The following NFKB1 variants were observed in gnomAD, a reference collection of about 807,000 sequenced individuals.
NFKB1 encodes the protein nuclear factor kappa B subunit 1.
In NFKB1, 9 loss-of-function variants were observed where a neutral mutation model predicts 105.1. The observed-to-expected ratio is 0.09, with a 90% confidence interval of 0.05 to 0.15. NFKB1 has a LOEUF of 0.15. NFKB1 is among the 10% of genes least tolerant of loss of function. The probability of loss-of-function intolerance (pLI) is 1.00; values close to 1 mark genes in which losing one functional copy is unlikely to be tolerated. For missense variants in NFKB1, 830 were observed against 1,203.7 expected (o/e 0.69, Z 4.59); for synonymous variants, 440 against 442.2 (o/e 1.00, Z 0.06).
intron 5 of NFKB1, among the ~76,000 whole-genome samples, chr4:102,547,310 G>A (rs1410939556): frequency 6.6e-6 from 1 of 152,174 alleles, no homozygotes; most frequent in Non-Finnish European, 1.5e-5. Flanking sequence ...AGGATGAGCT[G>A]GCAGGTACAA....
rs184084102 is a variant in NFKB1, at chr4:102,518,786, G to A, written c.-7-6726G>A. ...CTGAAGTTGTTTTGGCTACTCAGCT[G>A]GTGCTAGGGAGCCTCAGCTAGGACT... is the stretch of plus-strand genomic sequence containing the variant. On this transcript the variant is annotated intron_variant, in intron 1 of 23. Coordinates refer to ENST00000226574, the MANE Select transcript of NFKB1 (RefSeq NM_003998.4). 1.8e-3 allele frequency among the ~76,000 whole-genome samples: 274 copies of A among 152,276 alleles called. 2 individuals are homozygous for A. The highest frequency in any genetic ancestry group is 6.5e-3 in the African/African-American group (269 of 41,552).
chr4:102,512,290 C>T (rs1475715459), intron 1 of NFKB1, among the ~76,000 whole-genome samples: 1 of 152,124 alleles, frequency 6.6e-6, no homozygotes, highest in African/African-American at 2.4e-5. Context: ...AGGTATAGTT[C>T]ACCTATTTCT....
chr4:102,530,326 C>A (rs1741204550), intron 3 of NFKB1, among the ~76,000 whole-genome samples: 2 of 152,124 alleles, frequency 1.3e-5, no homozygotes, highest in South Asian at 4.1e-4. Context: ...GTACAGAAAT[C>A]ATAAAAATCA....
intron 5 of NFKB1, among the ~76,000 whole-genome samples, chr4:102,544,124 A>AT (rs988371727): frequency 6.8e-6 from 1 of 147,978 alleles, no homozygotes; most frequent in Non-Finnish European, 1.5e-5. Context: ...ATGTATGTGC[A>AT]TTTTTTCTTG....
intron 5 of NFKB1, among the ~76,000 whole-genome samples, chr4:102,556,754 A>C (rs1723016051): frequency 6.6e-6 from 1 of 152,222 alleles, no homozygotes; most frequent in South Asian, 2.1e-4. Flanking sequence ...AAACAGGTTT[A>C]AGTTCCTCTT....
chr4:102,542,790 C>T (rs1742093641), intron 5 of NFKB1, among the ~76,000 whole-genome samples: 1 of 152,190 alleles, frequency 6.6e-6, no homozygotes, highest in Non-Finnish European at 1.5e-5. Flanking sequence ...TTAACTGGTA[C>T]TCACTTTGAT....
At chr4:102,511,159 A>C (rs956318777) in intron 1 of NFKB1, among the ~76,000 whole-genome samples, 5 of 152,076 alleles carry the variant, frequency 3.3e-5, no homozygotes, top group African/African-American at 1.2e-4. Context: ...ATATATGTTT[A>C]TGGTACACAA....
At chr4:102,590,542 A>T (rs941953148) in intron 11 of NFKB1, among the ~76,000 whole-genome samples, 1 of 152,114 alleles carries the variant, frequency 6.6e-6, no homozygotes, top group South Asian at 2.1e-4. Flanking sequence ...CTTTTCCATG[A>T]TTATTATATC....
At chr4:102,523,891 G>A (rs1175655552) in intron 1 of NFKB1, among the ~76,000 whole-genome samples, 1 of 152,152 alleles carries the variant, frequency 6.6e-6, no homozygotes, top group Non-Finnish European at 1.5e-5. Context: ...CCAACGAAGT[G>A]TAGGGTATAC....
chr4:102,527,758 T>C (rs930097633), intron 2 of NFKB1, among the ~76,000 whole-genome samples: 14 of 152,168 alleles, frequency 9.2e-5, no homozygotes, highest in Non-Finnish European at 1.5e-5. Flanking sequence ...GTGCTTTCTC[T>C]AACAATTAAG....
intron 11 of NFKB1, among the ~76,000 whole-genome samples, chr4:102,588,300 G>A (rs914943243): frequency 6.6e-6 from 1 of 152,072 alleles, no homozygotes; most frequent in African/African-American, 2.4e-5. Context: ...AACCAGCCCG[G>A]AGCTTTGCAT....
chr4:102,605,570 T>C (rs935308481), intron 16 of NFKB1, among the ~76,000 whole-genome samples: 1 of 152,218 alleles, frequency 6.6e-6, no homozygotes, highest in South Asian at 2.1e-4. Flanking sequence ...GAAAGATACG[T>C]TTGTGATTGT....
At position 102,607,747 on chromosome 4, in the gene NFKB1, A is replaced by C; in HGVS notation, c.2223A>C (p.Ala741=). ...GSTRLAALLK[A]AGADPLVENF... Reference sequence around the variant, plus strand: ...CCAGGCTGGCAGCTCTTCTCAAAGCAGCAGGTAAGATGGTGATCTGGCGGT... The same window carrying C: ...CCAGGCTGGCAGCTCTTCTCAAAGCCGCAGGTAAGATGGTGATCTGGCGGT... Residue 741 remains alanine, a synonymous_variant, in exon 19 of 24, where the codon GCA becomes GCC. Coordinates refer to ENST00000226574, the MANE Select transcript of NFKB1 (RefSeq NM_003998.4). 1 of 1,614,036 alleles carries C rather than the reference A, an allele frequency of 6.2e-7. No individual in the cohort carries two copies. The highest frequency in any genetic ancestry group is 8.5e-7 in the Non-Finnish European group (1 of 1,179,860).
chr4:102,517,123 G>T (rs537037967), intron 1 of NFKB1, among the ~76,000 whole-genome samples: 2 of 152,260 alleles, frequency 1.3e-5, no homozygotes, highest in South Asian at 4.1e-4. Context: ...TGACCCCTAT[G>T]TAGATTTCTG....
intron 5 of NFKB1, among the ~76,000 whole-genome samples, chr4:102,560,928 GC>G (rs138247597): frequency 0.011 from 1,704 of 152,242 alleles, 29 homozygotes; most frequent in African/African-American, 0.039. Context: ...CATGTGATTG[GC>G]CCATTGTGTA....
intron 5 of NFKB1, among the ~76,000 whole-genome samples, chr4:102,564,986 A>G (rs1267788673): frequency 6.6e-6 from 1 of 152,222 alleles, no homozygotes; most frequent in Non-Finnish European, 1.5e-5. Flanking sequence ...CAAGAAACAC[A>G]ACTGGCATCA....
chr4:102,607,846 A>G, intron 19 of NFKB1, 95 bp downstream of exon 19: 2 of 1,029,138 alleles, frequency 1.9e-6, no homozygotes, highest in Non-Finnish European at 3.1e-6. Context: ...TTTAAGCCAC[A>G]GACCTACTGC....
At chr4:102,533,446 G>A (rs1056230386) in intron 3 of NFKB1, among the ~76,000 whole-genome samples, 1 of 152,176 alleles carries the variant, frequency 6.6e-6, no homozygotes, top group Non-Finnish European at 1.5e-5. Flanking sequence ...ATGATGTGAA[G>A]GCCAAAGAAA....
chr4:102,522,153 C>A (rs926667481), intron 1 of NFKB1, among the ~76,000 whole-genome samples: 1 of 152,168 alleles, frequency 6.6e-6, no homozygotes, highest in Non-Finnish European at 1.5e-5. Context: ...TCCTTTAGTT[C>A]CAGACGCTTA....
Sources: allele counts gnomAD v4.1 joint callset (sites outside exome capture counted in the v4.1 genomes callset), GRCh38; gene constraint gnomAD v4.1.1; transcripts MANE v1.5; gene names NCBI Gene and HGNC (gene_info 2026-07-23, HGNC 2026-07-21).